Variants in BCCIP observed in about 807,000 individuals in gnomAD.
The protein encoded by BCCIP is BRCA2 and CDKN1A-interacting protein.
BCCIP carries 23 observed loss-of-function variants against 32.8 expected under a neutral mutation model. That is an observed-to-expected ratio of 0.70 (90% confidence interval 0.51 to 0.99). The LOEUF is 0.99. Among genes scored for constraint, BCCIP ranks in the 50% least tolerant of loss-of-function variants. BCCIP has a pLI of 0.00. For synonymous variants in BCCIP, 144 were observed against 137.6 expected (o/e 1.05, Z -0.33); for missense variants, 378 against 379.8 (o/e 1.00, Z 0.04).
At position 125,833,823 on chromosome 10, in the gene BCCIP, C is replaced by T; in HGVS notation, c.651C>T (p.Tyr217=). 1 of 1,614,162 alleles carries T rather than the reference C, an allele frequency of 6.2e-7. No individual in the cohort carries two copies. The highest frequency in any genetic ancestry group is 8.5e-7 in the Non-Finnish European group (1 of 1,180,040). The part of the protein sequence containing the change: ...HRTNKPCGKC[Y]FYLLISKTFV... ...CCAATAAGCCATGTGGGAAGTGCTA[C>T]TTTTACCTTCTGATTAGTAAGACAT... Residue 217 remains tyrosine (Y), a synonymous_variant, in exon 6 of 7, where the codon TAC becomes TAT. Coordinates refer to ENST00000278100, the MANE Select transcript of BCCIP (RefSeq NM_078468.3).
At chr10:125,838,527 C>G (rs111843618), downstream of BCCIP, 34 of 823,254 alleles carry the variant, frequency 4.1e-5, 1 homozygote, top group African/African-American at 5.2e-4. Context: ...TTCCTACTTT[C>G]ACATGTAGAA....
intron 4 of BCCIP, 150 bp downstream of exon 4, chr10:125,830,801 A>T (rs1358490959): frequency 1.7e-6 from 1 of 599,286 alleles, no homozygotes; most frequent in African/African-American, 1.9e-5. Context: ...TCCTTTTTCA[A>T]TATGAAGGTG....
chr10:125,839,130 T>A (rs1391732235), downstream of BCCIP: 3 of 1,614,234 alleles, frequency 1.9e-6, no homozygotes, highest in East Asian at 6.7e-5. Context: ...GAATAACATC[T>A]GCCATTCTGA....
chr10:125,848,303 C>T (rs1405178779), intron 7 of BCCIP, among the ~76,000 whole-genome samples: 1 of 152,132 alleles, frequency 6.6e-6, no homozygotes, highest in Non-Finnish European at 1.5e-5. Flanking sequence ...GGGACATGTT[C>T]CCAAAACCTG....
At chr10:125,835,606 A>G (rs999414932) in intron 6 of BCCIP, among the ~76,000 whole-genome samples, 6 of 152,090 alleles carry the variant, frequency 3.9e-5, no homozygotes, top group African/African-American at 1.4e-4. Flanking sequence ...AAACAAAAAA[A>G]ACAAAACCAT....
intron 1 of BCCIP, among the ~76,000 whole-genome samples, chr10:125,823,941 C>A (rs752579774): frequency 5.9e-5 from 9 of 152,212 alleles, no homozygotes; most frequent in Non-Finnish European, 1.3e-4. Flanking sequence ...ATCTCCCAAC[C>A]CGCGTCCTCC....
downstream of BCCIP, chr10:125,836,815 G>A (rs748816351): frequency 1.9e-6 from 3 of 1,613,992 alleles, no homozygotes; most frequent in Non-Finnish European, 2.5e-6. Context: ...TCACTAGGAG[G>A]CAGATTACTG....
downstream of BCCIP, among the ~76,000 whole-genome samples, chr10:125,837,329 A>C (rs1031917706): frequency 6.6e-6 from 1 of 152,212 alleles, no homozygotes; most frequent in Non-Finnish European, 1.5e-5. Context: ...TGGAACCTTC[A>C]AAATGGATCC....
chr10:125,829,761 A>C (rs1854481013), intron 3 of BCCIP, among the ~76,000 whole-genome samples: 3 of 152,230 alleles, frequency 2.0e-5, no homozygotes, highest in Admixed American at 1.3e-4. Context: ...TTCGTGTCTT[A>C]GAAGACCTAA....
intron 7 of BCCIP, among the ~76,000 whole-genome samples, chr10:125,847,857 G>A (rs1378687080): frequency 6.6e-6 from 1 of 151,938 alleles, no homozygotes; most frequent in African/African-American, 2.4e-5. Flanking sequence ...TTCATAATAG[G>A]GTTCGAGCTC....
At chr10:125,837,788 A>C (rs1338500569), downstream of BCCIP, among the ~76,000 whole-genome samples, 1 of 152,192 alleles carries the variant, frequency 6.6e-6, no homozygotes, top group African/African-American at 2.4e-5. Flanking sequence ...TAGATAAAAT[A>C]TAAACTATGT....
intron 6 of BCCIP, 68 bp from the exon 7 acceptor site, chr10:125,836,036 C>A: frequency 7.3e-7 from 1 of 1,368,800 alleles, no homozygotes; most frequent in Non-Finnish European, 1.0e-6. Flanking sequence ...TATTCTTTGC[C>A]GTAGATCAAA....
exon 8 of BCCIP, chr10:125,853,268 C>T (rs769634451): frequency 2.9e-5 from 42 of 1,464,132 alleles, no homozygotes; most frequent in Non-Finnish European, 3.7e-5. Context: ...TTAGGAGGCT[C>T]ATAGTCTCCT....
At chr10:125,832,811 TTTC>T (rs1241126445) in intron 5 of BCCIP, among the ~76,000 whole-genome samples, 2 of 115,608 alleles carry the variant, frequency 1.7e-5, no homozygotes, top group African/African-American at 5.7e-5. Context: ...TCTTTTTTTT[TTTC>T]TTTTTTTTTT....
At position 125,852,573 on chromosome 10, in the gene BCCIP, G is replaced by A. The variant is rs961381093; in HGVS notation, c.851-552G>A. ...GAAGATGAGCCAAGAATCTGCTTGC[G>A]TATCTCTGCCTGGCTCTGGCTGATG... On this transcript the variant is annotated intron_variant, in intron 7 of 7. Coordinates refer to the BCCIP transcript ENST00000368759. The A allele has an allele frequency of 5.0e-6, 8 of 1,613,686 alleles. No individual in the cohort carries two copies. The highest frequency in any genetic ancestry group is 1.3e-5 in the African/African-American group (1 of 74,882).
In BCCIP at chr10:125,836,480, CAAG is replaced by C. The variant is rs1186940329; in HGVS notation, c.*215_*217del. ...TGAGTGGTTGATTTAAAAACTTTTC[CAAG>C]AAGAAGAAAAGCATGGAGTAGTAAT... On this transcript the variant is annotated 3_prime_UTR_variant, in exon 7 of 7. Coordinates refer to ENST00000278100, the MANE Select transcript of BCCIP (RefSeq NM_078468.3). 1.1e-5 allele frequency: 15 copies of C among 1,385,670 alleles called. No homozygotes were observed. The highest frequency in any genetic ancestry group is 1.7e-5 in the South Asian group (1 of 57,604). The allele number at this position is 1,385,670 out of a possible 1,614,324, so 85.8% of individuals were successfully genotyped here. A position where few individuals can be genotyped will look rare whatever the true frequency, so the allele number is the denominator to read the frequency against.
chr10:125,838,553 T>C (rs1012750089), downstream of BCCIP, among the ~76,000 whole-genome samples: 3 of 152,234 alleles, frequency 2.0e-5, no homozygotes, highest in African/African-American at 7.2e-5. Context: ...GCCATAAGCA[T>C]GTTTTGCCTA....
chr10:125,841,471 T>A, downstream of BCCIP: 1 of 1,477,052 alleles, frequency 6.8e-7, no homozygotes, highest in South Asian at 1.4e-5. Context: ...TCTGCACTGA[T>A]TATTTCAGCA....
chr10:125,835,069 C>T (rs1214507670), intron 6 of BCCIP, among the ~76,000 whole-genome samples: 1 of 148,268 alleles, frequency 6.7e-6, no homozygotes, highest in Non-Finnish European at 1.5e-5. Flanking sequence ...GGAGGCGGAG[C>T]TTGCAGTGAG....
Sources: gnomAD v4.1 joint callset for allele counts (sites outside exome capture counted in the v4.1 genomes callset) on GRCh38, gnomAD v4.1.1 for gene constraint, MANE v1.5 for transcripts, NCBI Gene and HGNC (gene_info 2026-07-23, HGNC 2026-07-21) for gene names.